Variants in C4orf36 observed in about 807,000 individuals in gnomAD.
C4orf36 encodes the protein uncharacterized protein C4orf36.
A neutral mutation model predicts 12.2 loss-of-function variants in C4orf36; 11 were observed. The ratio of observed to expected loss-of-function variants is 0.90; its 90% CI spans 0.57 to 1.49. The LOEUF (loss-of-function observed/expected upper bound fraction) is 1.49, where lower values mean the gene tolerates loss of function less well. C4orf36 is among the 40% of genes most tolerant of loss of function. The probability of loss-of-function intolerance (pLI) is 0.00; values close to 1 mark genes in which losing one functional copy is unlikely to be tolerated. For missense variants in C4orf36, 137 were observed against 133.9 expected (o/e 1.02, Z -0.11); for synonymous variants, 54 against 51.3 (o/e 1.05, Z -0.22).
At chr4:86,901,394 ATTTATT>A in the C4orf36 span, among the ~76,000 whole-genome samples, 16 of 108,288 alleles carry the variant, frequency 1.5e-4, no homozygotes, top group African/African-American at 4.6e-4. Flanking sequence ...CACAGCTTTT[ATTTATT>A]TTTATTTATT....
the C4orf36 span, chr4:86,914,748 A>T: frequency 4.6e-6 from 2 of 433,318 alleles, no homozygotes; most frequent in Non-Finnish European, 9.0e-6. Context: ...AACTGAGGGC[A>T]ATCTGGGTAT....
At chr4:86,933,944 A>C in the C4orf36 span, among the ~76,000 whole-genome samples, 1 of 152,250 alleles carries the variant, frequency 6.6e-6, no homozygotes, top group Non-Finnish European at 1.5e-5. Flanking sequence ...TAAGTCAAGT[A>C]GCCAAAGGTT....
the C4orf36 span, among the ~76,000 whole-genome samples, chr4:86,902,237 G>C: frequency 6.6e-6 from 1 of 151,872 alleles, no homozygotes; most frequent in Non-Finnish European, 1.5e-5. Context: ...CCTGGGCAAC[G>C]TAGTGAAACC....
the C4orf36 span, chr4:86,925,103 T>C: frequency 1.3e-5 from 2 of 152,194 alleles, no homozygotes; most frequent in African/African-American, 4.8e-5. Flanking sequence ...TGTTAAACCA[T>C]TCATGGAAAT....
At chr4:86,934,546 T>C in the C4orf36 span, 3 of 152,118 alleles carry the variant, frequency 2.0e-5, no homozygotes, top group Non-Finnish European at 4.4e-5. Flanking sequence ...TTTTATAAGA[T>C]TGTTGTGAAG....
the C4orf36 span, chr4:86,914,194 T>C: frequency 6.3e-7 from 1 of 1,592,780 alleles, no homozygotes; most frequent in South Asian, 1.1e-5. Flanking sequence ...TTCACAAAAG[T>C]AGCTGCACAG....
chr4:86,913,772 C>A, the C4orf36 span: 1 of 1,390,478 alleles, frequency 7.2e-7, no homozygotes, highest in Non-Finnish European at 1.0e-6. Context: ...CTGACATCAG[C>A]TGCCCAAAGG....
In C4orf36 at chr4:86,891,945, C is replaced by T. The variant is rs984783155; in HGVS notation, c.-74+238G>A. On this transcript the variant is annotated intron_variant, in intron 1 of 4. Coordinates refer to ENST00000295898, the MANE Select transcript of C4orf36 (RefSeq NM_144645.4). ...AGGCTCTGCCTGCACAGGAACCACC[C>T]GCCCCGGCCCGGGCACTTTGAGCAG... 7.2e-6 allele frequency: 7 copies of T among 973,970 alleles called. No individual in the cohort carries two copies. In the African/African-American group the frequency reaches 1.2e-4, roughly 17 times the overall value. 60.3% of individuals were successfully genotyped at this position (973,970 alleles called of 1,614,324 possible).
the C4orf36 span, chr4:86,913,465 T>G: frequency 1.3e-6 from 1 of 766,894 alleles, no homozygotes; most frequent in Non-Finnish European, 2.4e-6. Context: ...AAAGCATTCA[T>G]GACAGACATG....
chr4:86,892,426 G>GAGC, upstream of C4orf36: 1 of 985,448 alleles, frequency 1.0e-6, no homozygotes. Context: ...CGAGTCTGGG[G>GAGC]CTCCTCGCGT....
At chr4:86,911,209 T>A in the C4orf36 span, among the ~76,000 whole-genome samples, 3 of 152,226 alleles carry the variant, frequency 2.0e-5, no homozygotes, top group Non-Finnish European at 2.9e-5. Flanking sequence ...GAAGGCTTGG[T>A]GACAGGTTGG....
chr4:86,914,128 C>G, the C4orf36 span: 1 of 1,602,136 alleles, frequency 6.2e-7, no homozygotes, highest in Non-Finnish European at 8.6e-7. Context: ...AAGTAACAAA[C>G]AGAAATGAAT....
intron 4 of C4orf36, among the ~76,000 whole-genome samples, chr4:86,886,241 T>G (rs1187113410): frequency 6.6e-6 from 1 of 152,190 alleles, no homozygotes; most frequent in Non-Finnish European, 1.5e-5. Context: ...ATACCCTCTT[T>G]TTCTATTGAT....
chr4:86,893,979 C>T (rs1048210859), upstream of C4orf36, among the ~76,000 whole-genome samples: 1 of 151,908 alleles, frequency 6.6e-6, no homozygotes, highest in East Asian at 1.9e-4. Flanking sequence ...TCACTGCAAG[C>T]TCTGCCTCCC....
At chr4:86,918,643 T>A in the C4orf36 span, among the ~76,000 whole-genome samples, 1 of 152,150 alleles carries the variant, frequency 6.6e-6, no homozygotes, top group East Asian at 1.9e-4. Flanking sequence ...ATACTGCTAG[T>A]GATTGATCCC....
chr4:86,904,686 G>T, the C4orf36 span, among the ~76,000 whole-genome samples: 1 of 151,664 alleles, frequency 6.6e-6, no homozygotes, highest in Non-Finnish European at 1.5e-5. Flanking sequence ...TTGAGCCCCG[G>T]AGTTCAAGGT....
chr4:86,897,438 A>G, the C4orf36 span, among the ~76,000 whole-genome samples: 1 of 152,178 alleles, frequency 6.6e-6, no homozygotes. Context: ...TAAGTTGTAG[A>G]GCCAGATTTG....
At chr4:86,907,871 A>G in the C4orf36 span, among the ~76,000 whole-genome samples, 2 of 151,602 alleles carry the variant, frequency 1.3e-5, no homozygotes, top group East Asian at 3.9e-4. Context: ...CAGGAGGCTG[A>G]GGCAGGAGAA....
Position 86,888,135 on chromosome 4 carries a change from A to T in C4orf36, c.206T>A (p.Leu69His). 1 of 1,613,490 alleles carries T rather than the reference A, an allele frequency of 6.2e-7. No individual in the cohort carries two copies. Among genetic ancestry groups the T allele is most frequent in the Non-Finnish European group, 8.5e-7 (1 of 1,179,784 alleles). Residue 69 changes from leucine (L) to histidine (H), a missense_variant, in exon 3 of 5, where the codon CTC becomes CAC. Coordinates refer to ENST00000295898, the MANE Select transcript of C4orf36 (RefSeq NM_144645.4). The stretch of plus-strand genomic sequence containing the variant: ...AAGGAACTTACATTCTGCAGAAGGG[A>T]GCAGTCCATCTTTAATGGTGGTACA... Reference protein sequence around the residue: ...TKCTTIKDGLLPSAESIKLER... With the variant: ...TKCTTIKDGLHPSAESIKLER...
Sources: allele counts gnomAD v4.1 joint callset (sites outside exome capture counted in the v4.1 genomes callset), GRCh38; gene constraint gnomAD v4.1.1; transcripts MANE v1.5; gene names NCBI Gene and HGNC (gene_info 2026-07-23, HGNC 2026-07-21).